The following RUNX1T1 variants were observed in gnomAD, a reference collection of about 807,000 sequenced individuals.
The protein encoded by RUNX1T1 is protein CBFA2T1.
In RUNX1T1, 4 loss-of-function variants were observed where a neutral mutation model predicts 62.8. That is an observed-to-expected ratio of 0.06 (90% CI 0.03 to 0.15). The LOEUF is 0.15. Among genes scored for constraint, RUNX1T1 ranks in the 10% least tolerant of loss-of-function variants. The probability of loss-of-function intolerance (pLI) is 1.00; values close to 1 mark genes in which losing one functional copy is unlikely to be tolerated. For missense variants in RUNX1T1, 508 were observed against 754.3 expected, an observed-to-expected ratio of 0.67 and a Z score of 3.82; for synonymous variants, 291 against 286.0, an observed-to-expected ratio of 1.02 and a Z score of -0.18.
chr8:92,006,264 T>C (rs1262100429), intron 4 of RUNX1T1: 2 of 152,176 alleles, frequency 1.3e-5, no homozygotes, highest in Admixed American at 6.5e-5. Context: ...CTCTTTCTCT[T>C]ATTTTTATTA....
intron 2 of RUNX1T1, among the ~76,000 whole-genome samples, chr8:92,016,269 C>G (rs1822973206): frequency 6.6e-6 from 1 of 152,150 alleles, no homozygotes; most frequent in Admixed American, 6.5e-5. Flanking sequence ...TGTCAGAATT[C>G]TCTATCCTTT....
At chr8:91,962,666 G>C (rs1810756301) in intron 10 of RUNX1T1, among the ~76,000 whole-genome samples, 1 of 152,252 alleles carries the variant, frequency 6.6e-6, no homozygotes, top group Non-Finnish European at 1.5e-5. Flanking sequence ...TCAGAGTGAA[G>C]TTAACTTCCT....
intron 1 of RUNX1T1, among the ~76,000 whole-genome samples, chr8:92,048,610 AAGAC>A (rs1188092583): frequency 1.3e-5 from 2 of 151,496 alleles, no homozygotes; most frequent in Non-Finnish European, 3.0e-5. Flanking sequence ...AGAAGATAGA[AAGAC>A]AGACAGAACC....
chr8:92,087,431 TTCCTATTGTATAACCTACCACAA>T (rs1183179978), intron 1 of RUNX1T1, among the ~76,000 whole-genome samples: 1 of 152,182 alleles, frequency 6.6e-6, no homozygotes, highest in East Asian at 1.9e-4. Flanking sequence ...GCATTCCCTA[TTCCTATTGTATAACCTACCACAA>T]TCCTATTACA....
chr8:92,098,612 T>G (rs930580974), intron 1 of RUNX1T1, among the ~76,000 whole-genome samples: 21 of 152,200 alleles, frequency 1.4e-4, no homozygotes, highest in African/African-American at 4.6e-4. Flanking sequence ...TGCAGCAGAA[T>G]TGTGCTTCAA....
intron 5 of RUNX1T1, chr8:91,994,655 G>A (rs1415925278): frequency 2.0e-6 from 1 of 501,324 alleles, no homozygotes. Context: ...CTAGATCAGT[G>A]GTTTTCAAAC....
intron 2 of RUNX1T1, among the ~76,000 whole-genome samples, chr8:92,068,673 C>T (rs1833229183): frequency 6.6e-6 from 1 of 152,084 alleles, no homozygotes; most frequent in Non-Finnish European, 1.5e-5. Flanking sequence ...AAAACTTCAC[C>T]TTCTGTTACA....
rs141095067 is a variant in RUNX1T1, at chr8:92,019,688, AT to A, written c.8-2326del. 3.6e-3 allele frequency among the ~76,000 whole-genome samples: 542 copies of A among 152,328 alleles called. 5 individuals carry two copies. The highest frequency in any genetic ancestry group is 0.012 in the African/African-American group (486 of 41,572). ...CCTAAAATAGACCACCCTAAAAAAA[AT>A]AAACTATAAATTTGACAATAAGTTT... On this transcript the variant is annotated intron_variant, in intron 1 of 10. Transcript: ENST00000396218.
intron 1 of RUNX1T1, among the ~76,000 whole-genome samples, chr8:92,079,841 C>CTTCG (rs965556262): frequency 2.5e-4 from 38 of 152,124 alleles, no homozygotes; most frequent in African/African-American, 8.7e-4. Context: ...ATGCTGGTGG[C>CTTCG]TTCGTTCACT....
At chr8:92,001,899 TA>T (rs759151158) in intron 5 of RUNX1T1, among the ~76,000 whole-genome samples, 6 of 152,226 alleles carry the variant, frequency 3.9e-5, no homozygotes, top group Non-Finnish European at 5.9e-5. Context: ...AAGAAAGCAT[TA>T]TCTAACAGTT....
At chr8:91,976,586 G>C (rs1814001973) in intron 8 of RUNX1T1, among the ~76,000 whole-genome samples, 1 of 152,194 alleles carries the variant, frequency 6.6e-6, no homozygotes, top group African/African-American at 2.4e-5. Flanking sequence ...GAGAGAATTA[G>C]CCCATGCTTT....
upstream of RUNX1T1, among the ~76,000 whole-genome samples, chr8:92,065,467 C>A (rs1832737231): frequency 6.6e-6 from 1 of 152,152 alleles, no homozygotes; most frequent in South Asian, 2.1e-4. Flanking sequence ...GAACACAGTC[C>A]ATTTTTAAGG....
At chr8:92,071,087 A>G (rs1028333014) in intron 2 of RUNX1T1, 4 of 152,336 alleles carry the variant, frequency 2.6e-5, no homozygotes, top group African/African-American at 9.6e-5. Flanking sequence ...CAAATTGGCC[A>G]CACATTACTG....
intron 1 of RUNX1T1, among the ~76,000 whole-genome samples, chr8:92,022,053 G>A (rs988733279): frequency 4.0e-5 from 6 of 151,584 alleles, no homozygotes; most frequent in Non-Finnish European, 5.9e-5. Context: ...TCTGTATGAT[G>A]GACACATGTA....
chr8:92,033,411 G>A (rs185172547), intron 1 of RUNX1T1, among the ~76,000 whole-genome samples: 1 of 152,170 alleles, frequency 6.6e-6, no homozygotes, highest in South Asian at 2.1e-4. Flanking sequence ...GACTAGAAGG[G>A]TACGTATAAT....
chr8:92,016,369 T>G lies in RUNX1T1; in HGVS notation c.145+857A>C, dbSNP rs1220377123. 2.0e-5 allele frequency among the ~76,000 whole-genome samples: 3 copies of G among 152,100 alleles called. No homozygotes were observed. In the East Asian group the frequency reaches 5.8e-4, roughly 29 times the overall value. ...ATGGAGTAAAGTTTTAATAAGAGTC[T>G]GACAGGTTCAAGACAAGAAAGACAC... On this transcript the variant is annotated intron_variant, in intron 2 of 10. Coordinates refer to ENST00000396218, the Ensembl canonical transcript of RUNX1T1.
At chr8:91,955,914 G>A (rs964789190), downstream of RUNX1T1, 3 of 229,818 alleles carry the variant, frequency 1.3e-5, no homozygotes, top group African/African-American at 6.6e-5. Context: ...GAGATAACTG[G>A]ATGTCCCAGC....
intron 10 of RUNX1T1, among the ~76,000 whole-genome samples, chr8:91,961,283 G>A (rs1447274615): frequency 1.3e-5 from 2 of 152,152 alleles, no homozygotes; most frequent in African/African-American, 4.8e-5. Context: ...GCCTTATTTG[G>A]CTTTGAGAAA....
At chr8:91,960,290 C>T (rs1810138149) in exon 11 of RUNX1T1, 1 of 1,610,224 alleles carries the variant, frequency 6.2e-7, no homozygotes, top group Admixed American at 1.7e-5. Flanking sequence ...GGGTGGTTGA[C>T]CTCGGAGTGG....
Sources: gnomAD v4.1 joint callset for allele counts (sites outside exome capture counted in the v4.1 genomes callset) on GRCh38, gnomAD v4.1.1 for gene constraint, MANE v1.5 for transcripts, NCBI Gene and HGNC (gene_info 2026-07-23, HGNC 2026-07-21) for gene names.